The following IGFL2 variants were observed in gnomAD, a reference collection of about 807,000 sequenced individuals.
IGFL2 encodes the protein insulin growth factor-like family member 2.
In IGFL2, 7 loss-of-function variants were observed where a neutral mutation model predicts 13.9. That is an observed-to-expected ratio of 0.51 (90% CI 0.29 to 0.95). The LOEUF (loss-of-function observed/expected upper bound fraction) is 0.95. Ranked by LOEUF, IGFL2 falls within the 40% of genes least tolerant of loss-of-function variation. IGFL2 has a pLI of 0.08. For missense variants in IGFL2, 138 were observed against 147.8 expected, an observed-to-expected ratio of 0.93 and a Z score of 0.34; for synonymous variants, 55 against 55.8, an observed-to-expected ratio of 0.99 and a Z score of 0.07.
the IGFL2 span, chr19:46,196,082 C>G: frequency 6.5e-6 from 1 of 153,806 alleles, no homozygotes; most frequent in Non-Finnish European, 1.5e-5. Context: ...ATGACACATA[C>G]CCTGTCTGGG....
chr19:46,169,879 AC>A, the IGFL2 span, among the ~76,000 whole-genome samples: 5 of 149,864 alleles, frequency 3.3e-5, no homozygotes, highest in Admixed American at 6.6e-5. Context: ...TGGAGATAAC[AC>A]CCTAGAATTG....
the IGFL2 span, among the ~76,000 whole-genome samples, chr19:46,215,153 G>A: frequency 6.6e-6 from 1 of 152,162 alleles, no homozygotes; most frequent in Non-Finnish European, 1.5e-5. Flanking sequence ...GGATATTTAG[G>A]TTGATGTTTT....
chr19:46,208,831 G>A, the IGFL2 span: 3 of 152,200 alleles, frequency 2.0e-5, no homozygotes, highest in Non-Finnish European at 4.4e-5. Flanking sequence ...GCAGAACTAT[G>A]AGTCAATTAA....
chr19:46,153,954 A>C (rs1172901709), intron 1 of IGFL2, among the ~76,000 whole-genome samples: 2 of 151,860 alleles, frequency 1.3e-5, no homozygotes, highest in South Asian at 2.1e-4. Flanking sequence ...CCCCGCATGC[A>C]TTAGGTATTT....
At chr19:46,207,239 G>A in the IGFL2 span, 1 of 152,148 alleles carries the variant, frequency 6.6e-6, no homozygotes, top group Admixed American at 6.5e-5. Flanking sequence ...TTTTTATAAA[G>A]TTTGGTCCTT....
chr19:46,082,168 T>C, the IGFL2 span, among the ~76,000 whole-genome samples: 3 of 152,216 alleles, frequency 2.0e-5, no homozygotes, highest in Non-Finnish European at 2.9e-5. Flanking sequence ...TTTCACACCA[T>C]CTTCTCTTCA....
chr19:46,109,670 A>G, the IGFL2 span, among the ~76,000 whole-genome samples: 1 of 151,976 alleles, frequency 6.6e-6, no homozygotes, highest in Admixed American at 6.5e-5. Flanking sequence ...TGTTAAGGGT[A>G]GGGGAGGATA....
chr19:46,200,075 C>G, the IGFL2 span, among the ~76,000 whole-genome samples: 1 of 152,122 alleles, frequency 6.6e-6, no homozygotes, highest in African/African-American at 2.4e-5. Flanking sequence ...TGGGGTTTCA[C>G]CATCCTGACC....
the IGFL2 span, chr19:46,195,671 C>G: frequency 2.0e-5 from 3 of 152,286 alleles, no homozygotes; most frequent in East Asian, 5.8e-4. Flanking sequence ...GACGCTTTGG[C>G]CCCTACCTGG....
At chr19:46,087,016 T>C in the IGFL2 span, among the ~76,000 whole-genome samples, 1 of 152,174 alleles carries the variant, frequency 6.6e-6, no homozygotes. Flanking sequence ...ACGGTGGCAG[T>C]AGTGGGCTGA....
At chr19:46,204,613 A>C in the IGFL2 span, among the ~76,000 whole-genome samples, 3 of 152,086 alleles carry the variant, frequency 2.0e-5, no homozygotes, top group Admixed American at 1.3e-4. Context: ...GACAACACAG[A>C]GTGGGCAGCT....
At chr19:46,152,801 A>G (rs1282382544) in intron 1 of IGFL2, among the ~76,000 whole-genome samples, 1 of 152,190 alleles carries the variant, frequency 6.6e-6, no homozygotes, top group East Asian at 1.9e-4. Context: ...GATGTTAGCT[A>G]TGAGTTTATT....
the IGFL2 span, among the ~76,000 whole-genome samples, chr19:46,131,217 A>T: frequency 1.3e-5 from 2 of 152,026 alleles, no homozygotes; most frequent in African/African-American, 4.8e-5. Context: ...TCAGTTTTCC[A>T]TTATTAGCTT....
the IGFL2 span, chr19:46,113,501 A>G: frequency 2.8e-6 from 1 of 351,108 alleles, no homozygotes; most frequent in Non-Finnish European, 5.8e-6. Flanking sequence ...TAAAGGGAGA[A>G]ATCCAAGATT....
At chr19:46,157,961 G>GA (rs1043069135) in intron 1 of IGFL2, among the ~76,000 whole-genome samples, 37 of 152,200 alleles carry the variant, frequency 2.4e-4, no homozygotes, top group African/African-American at 8.7e-4. Flanking sequence ...GATCAACATA[G>GA]AAAAAATCAA....
At chr19:46,124,844 A>G in the IGFL2 span, among the ~76,000 whole-genome samples, 1 of 150,684 alleles carries the variant, frequency 6.6e-6, no homozygotes, top group African/African-American at 2.5e-5. Flanking sequence ...TAGTTTCTTT[A>G]AGGAGGAGAC....
upstream of IGFL2, among the ~76,000 whole-genome samples, chr19:46,145,600 A>ATATGTG (rs1177221696): frequency 1.1e-5 from 1 of 94,450 alleles, no homozygotes; most frequent in African/African-American, 2.9e-5. Context: ...ACTCATATAT[A>ATATGTG]TGTGTGTGTG....
the IGFL2 span, among the ~76,000 whole-genome samples, chr19:46,178,803 G>A: frequency 8.9e-4 from 136 of 152,090 alleles, 2 homozygotes; most frequent in Middle Eastern, 0.017. Context: ...TATACCTTAC[G>A]TGTATTGATT....
the IGFL2 span, chr19:46,120,152 A>G: frequency 7.8e-6 from 6 of 770,178 alleles, no homozygotes; most frequent in South Asian, 1.0e-4. Context: ...TGAAGCAGGA[A>G]GGCATTCTTC....
Sources: gnomAD v4.1 joint callset for allele counts (sites outside exome capture counted in the v4.1 genomes callset) on GRCh38, gnomAD v4.1.1 for gene constraint, MANE v1.5 for transcripts, NCBI Gene and HGNC (gene_info 2026-07-23, HGNC 2026-07-21) for gene names.